CC2D2A: variants seen among roughly 807,000 people sequenced by gnomAD.
CC2D2A encodes the protein coiled-coil and C2 domain containing 2A.
A neutral mutation model predicts 212.9 loss-of-function variants in CC2D2A; 155 were observed. That is an observed-to-expected ratio of 0.73 (90% CI 0.64 to 0.83). The LOEUF (loss-of-function observed/expected upper bound fraction) is 0.83, where lower values mean the gene tolerates loss of function less well. CC2D2A is among the 40% of genes least tolerant of loss of function. The pLI is 0.00. For missense variants in CC2D2A, 1,856 were observed against 1,956.2 expected (o/e 0.95, Z 0.97); for synonymous variants, 667 against 686.5 (o/e 0.97, Z 0.44).
chr4:15,477,996 A>G (rs1415773879), intron 2 of CC2D2A, among the ~76,000 whole-genome samples: 2 of 152,214 alleles, frequency 1.3e-5, no homozygotes, highest in Non-Finnish European at 2.9e-5. Flanking sequence ...TGTACCCCAG[A>G]GAGGTTCTGT....
intron 30 of CC2D2A, among the ~76,000 whole-genome samples, chr4:15,580,599 T>C (rs1720619276): frequency 6.9e-6 from 1 of 144,328 alleles, no homozygotes. Flanking sequence ...AATTGTGTCA[T>C]TGCACTCTAG....
At chr4:15,474,820 C>T (rs766508510) in intron 1 of CC2D2A, among the ~76,000 whole-genome samples, 18 of 152,060 alleles carry the variant, frequency 1.2e-4, no homozygotes, top group East Asian at 1.9e-4. Context: ...GACATGGCAA[C>T]GCAGGGGTCA....
intron 33 of CC2D2A, 144 bp from the exon 34 acceptor site, chr4:15,595,941 A>C: frequency 2.0e-6 from 1 of 494,408 alleles, no homozygotes; most frequent in Non-Finnish European, 3.3e-6. Context: ...CAATTTTTAT[A>C]ATCAAAAAAT....
chr4:15,570,717 G>A (rs367859702), intron 28 of CC2D2A, among the ~76,000 whole-genome samples: 14 of 152,162 alleles, frequency 9.2e-5, no homozygotes, highest in South Asian at 6.2e-4. Flanking sequence ...TTAGCCGGGC[G>A]TGGTGGTGCG....
At chr4:15,564,422 G>A (rs1014009609) in intron 24 of CC2D2A, among the ~76,000 whole-genome samples, 2 of 152,124 alleles carry the variant, frequency 1.3e-5, no homozygotes, top group Non-Finnish European at 2.9e-5. Flanking sequence ...AGCACTTAAT[G>A]TGCATTCACC....
chr4:15,480,579 C>A (rs957382795), intron 3 of CC2D2A, 125 bp from the exon 4 acceptor site: 1 of 1,057,372 alleles, frequency 9.5e-7, no homozygotes, highest in Non-Finnish European at 1.3e-6. Flanking sequence ...GTGACAGAGA[C>A]TGTGGTTATC....
intron 32 of CC2D2A, 64 bp downstream of exon 32, chr4:15,587,993 G>C: frequency 1.1e-6 from 1 of 875,694 alleles, no homozygotes; most frequent in Non-Finnish European, 1.8e-6. Context: ...GTGTGTTCCA[G>C]ATCACACACA....
Position 15,528,640 on chromosome 4 carries a change from T to A in CC2D2A, c.1380T>A (p.Ala460=). Residue 460 remains alanine (A), a synonymous_variant, in exon 13 of 37, where the codon GCT becomes GCA. Transcript: ENST00000424120. Reference sequence around the variant, plus strand: ...TTAAGCTCCAAGCTTTAAGAAATGCTGTTCAGACTGGCCTTGATCCAGAAA... The same window carrying A: ...TTAAGCTCCAAGCTTTAAGAAATGCAGTTCAGACTGGCCTTGATCCAGAAA... ...LTDKLQALRN[A]VQTGLDPEKP... 3.7e-6 allele frequency: 6 copies of A among 1,613,914 alleles called. No homozygotes were observed. Among genetic ancestry groups the A allele is most frequent in the Non-Finnish European group, 5.1e-6 (6 of 1,179,820 alleles).
intron 16 of CC2D2A, among the ~76,000 whole-genome samples, chr4:15,540,420 T>A (rs1186744943): frequency 1.3e-5 from 2 of 152,170 alleles, no homozygotes; most frequent in African/African-American, 4.8e-5. Context: ...AAAAATGAAC[T>A]CGATCTAACT....
chr4:15,520,879 T>C (rs1180061802), intron 11 of CC2D2A, among the ~76,000 whole-genome samples: 1 of 152,152 alleles, frequency 6.6e-6, no homozygotes, highest in Non-Finnish European at 1.5e-5. Context: ...ACTAAGGAAC[T>C]TGGGCTCCAG....
rs576298659 is a variant in CC2D2A, at chr4:15,586,154, C to A, written c.3976-3C>A. The A allele has an allele frequency of 1.5e-5, 24 of 1,606,676 alleles. No individual in the cohort carries two copies. The highest frequency in any genetic ancestry group is 2.0e-5 in the Non-Finnish European group (24 of 1,174,334). On this transcript the variant is annotated splice_polypyrimidine_tract_variant and splice_region_variant and intron_variant, in intron 30 of 36. Coordinates refer to ENST00000424120, the MANE Select transcript of CC2D2A (RefSeq NM_001378615.1). Reference sequence around the variant, plus strand: ...TTTTGTAAAGCTCATTTTGATTATACAGGAACTGGTGGCTCGATATGTGTC... The same window carrying A: ...TTTTGTAAAGCTCATTTTGATTATAAAGGAACTGGTGGCTCGATATGTGTC...
chr4:15,559,309 C>T, intron 22 of CC2D2A, 52 bp downstream of exon 22: 1 of 1,205,064 alleles, frequency 8.3e-7, no homozygotes. Flanking sequence ...AGCCAGCACC[C>T]TAAGGTGGAA....
intron 29 of CC2D2A, 114 bp downstream of exon 29, chr4:15,574,440 A>G (rs1720308082): frequency 4.2e-6 from 3 of 720,322 alleles, no homozygotes; most frequent in South Asian, 2.9e-5. Flanking sequence ...CCTTACTTCA[A>G]TCTCCATTTA....
intron 4 of CC2D2A, among the ~76,000 whole-genome samples, chr4:15,499,429 T>C (rs1715798338): frequency 6.6e-6 from 1 of 152,130 alleles, no homozygotes; most frequent in Non-Finnish European, 1.5e-5. Context: ...CTCTAAAAAA[T>C]TAAAGTCTAT....
At chr4:15,555,013 T>C in intron 19 of CC2D2A, 59 bp from the exon 20 acceptor site, 1 of 1,543,732 alleles carries the variant, frequency 6.5e-7, no homozygotes, top group Non-Finnish European at 8.8e-7. Context: ...GAATTTGAGG[T>C]CCTGATGCAA....
intron 4 of CC2D2A, among the ~76,000 whole-genome samples, chr4:15,500,492 T>C (rs574205940): frequency 2.0e-5 from 3 of 152,282 alleles, no homozygotes; most frequent in East Asian, 3.9e-4. Context: ...CTAATGGAGA[T>C]TCTCTTAAAG....
At chr4:15,574,401 T>C in intron 29 of CC2D2A, 75 bp downstream of exon 29, 3 of 1,207,286 alleles carry the variant, frequency 2.5e-6, no homozygotes. Context: ...TATACTTTTA[T>C]GAACTTTTTC....
intron 2 of CC2D2A, among the ~76,000 whole-genome samples, chr4:15,476,477 G>A (rs12500458): frequency 0.3 from 45,299 of 152,172 alleles, 7,511 homozygotes; most frequent in Non-Finnish European, 0.38. Context: ...AACACACACC[G>A]ACTAAATGCA....
intron 6 of CC2D2A, among the ~76,000 whole-genome samples, chr4:15,507,332 T>G (rs1203423905): frequency 6.6e-6 from 1 of 152,190 alleles, no homozygotes; most frequent in African/African-American, 2.4e-5. Context: ...ATACAGTTGC[T>G]TGATATTATG....
Sources: gnomAD v4.1 joint callset for allele counts (sites outside exome capture counted in the v4.1 genomes callset) on GRCh38, gnomAD v4.1.1 for gene constraint, MANE v1.5 for transcripts, NCBI Gene and HGNC (gene_info 2026-07-23, HGNC 2026-07-21) for gene names.